Variants in ABCC4 observed in about 807,000 individuals in gnomAD.
ABCC4 encodes ATP binding cassette subfamily C member 4 (PEL blood group).
A neutral mutation model predicts 168.5 loss-of-function variants in ABCC4; 102 were observed. The ratio of observed to expected loss-of-function variants is 0.61; its 90% CI spans 0.52 to 0.71. The LOEUF (loss-of-function observed/expected upper bound fraction) is 0.71. Ranked by LOEUF, ABCC4 falls within the 30% of genes least tolerant of loss-of-function variation. ABCC4 has a pLI of 0.00. For missense variants in ABCC4, 1,402 were observed against 1,605.8 expected (o/e 0.87, Z 2.17); for synonymous variants, 617 against 590.7 (o/e 1.04, Z -0.65).
chr13:95,102,745 C>T (rs1256394855), intron 20 of ABCC4, among the ~76,000 whole-genome samples: 1 of 151,610 alleles, frequency 6.6e-6, no homozygotes, highest in African/African-American at 2.4e-5. Context: ...CTCAGCCCCC[C>T]AAGTAGCTGG....
rs754994360 is a variant in ABCC4, at chr13:95,166,384, G to T, written c.1825-17C>A. ...CATTTTACCCTAAAATAAAAATAAAGAATTTCAGAGAGATACATGTGCAGG... is the reference window on the plus strand; with the variant it reads ...CATTTTACCCTAAAATAAAAATAAATAATTTCAGAGAGATACATGTGCAGG... On this transcript the variant is annotated splice_polypyrimidine_tract_variant and intron_variant, in intron 14 of 30. Coordinates refer to ENST00000645237, the MANE Select transcript of ABCC4 (RefSeq NM_005845.5). The T allele has an allele frequency of 8.8e-6, 14 of 1,591,488 alleles. No homozygotes were observed. The highest frequency in any genetic ancestry group is 1.2e-5 in the Non-Finnish European group (14 of 1,163,170).
chr13:95,127,658 C>A (rs536578527), intron 19 of ABCC4, among the ~76,000 whole-genome samples: 127 of 152,300 alleles, frequency 8.3e-4, no homozygotes, highest in African/African-American at 2.9e-3. Flanking sequence ...TCTCCCCTTG[C>A]ATCTAGAGGC....
chr13:95,222,637 C>T (rs1267177277), intron 4 of ABCC4, among the ~76,000 whole-genome samples: 1 of 152,164 alleles, frequency 6.6e-6, no homozygotes, highest in Non-Finnish European at 1.5e-5. Flanking sequence ...AATAGAGATA[C>T]TGAAGGTCAA....
rs372970645 is a variant in ABCC4 at position 95,177,986 on chromosome 13, A to G, written c.1640+11T>C. On this transcript the variant is annotated intron_variant, in intron 12 of 30. Coordinates refer to ENST00000645237, the MANE Select transcript of ABCC4 (RefSeq NM_005845.5). ...AGACACCGGCATAGTGGCTGCTGAA[A>G]TGCAACTTACCTTGCAAGGTTTACC... is the stretch of plus-strand genomic sequence containing the variant. 5 of 1,613,924 alleles carry G rather than the reference A, an allele frequency of 3.1e-6. No homozygotes were observed. The highest frequency in any genetic ancestry group is 1.3e-5 in the African/African-American group (1 of 75,052).
intron 13 of ABCC4, among the ~76,000 whole-genome samples, chr13:95,176,902 C>T (rs908841292): frequency 5.9e-5 from 9 of 152,192 alleles, no homozygotes; most frequent in African/African-American, 9.7e-5. Flanking sequence ...AAGTGTCAGT[C>T]GGCACACATG....
At chr13:95,059,256 T>C (rs1170717180) in intron 26 of ABCC4, among the ~76,000 whole-genome samples, 1 of 152,210 alleles carries the variant, frequency 6.6e-6, no homozygotes, top group African/African-American at 2.4e-5. Context: ...TGGGTTAAGC[T>C]CTCTGTGCCT....
Position 95,071,842 on chromosome 13 carries a change from T to A in ABCC4, c.3030A>T (p.Val1010=), listed in dbSNP as rs371348018. 6.4e-7 allele frequency: 1 copy of A among 1,552,850 alleles called. No homozygotes were observed. The highest frequency in any genetic ancestry group is 2.1e-5 in the Admixed American group (1 of 48,712). ...GGTCTGTGTATTCAATGACCCTTTC[T>A]ACTGAGATCATCTGAAAGAAATATG... ...SAEVENMMIS[V]ERVIEYTDLE... Residue 1010 remains valine (V), a synonymous_variant, in exon 25 of 31, where the codon GTA becomes GTT. Coordinates refer to ENST00000645237, the MANE Select transcript of ABCC4 (RefSeq NM_005845.5).
intron 20 of ABCC4, among the ~76,000 whole-genome samples, chr13:95,109,671 A>C (rs569188255): frequency 2.6e-5 from 4 of 152,220 alleles, no homozygotes; most frequent in Admixed American, 1.3e-4. Context: ...AATTGAACTT[A>C]AAGTGAAAGA....
intron 19 of ABCC4, among the ~76,000 whole-genome samples, chr13:95,156,743 G>C (rs1056493099): frequency 1.3e-5 from 2 of 152,124 alleles, no homozygotes; most frequent in Non-Finnish European, 2.9e-5. Flanking sequence ...TACATCAAAA[G>C]AGGAAAGAAT....
intron 1 of ABCC4, among the ~76,000 whole-genome samples, chr13:95,284,868 G>A (rs575033143): frequency 6.6e-6 from 1 of 152,074 alleles, no homozygotes; most frequent in African/African-American, 2.4e-5. Context: ...TTTGTTATTA[G>A]TATTTAATAA....
chr13:95,166,460 A>C, intron 14 of ABCC4, 93 bp from the exon 15 acceptor site: 1 of 1,093,484 alleles, frequency 9.1e-7, no homozygotes, highest in South Asian at 1.6e-5. Context: ...AACTGATCTT[A>C]AGTTATGATT....
intron 27 of ABCC4, among the ~76,000 whole-genome samples, chr13:95,046,535 C>A (rs1190921942): frequency 6.6e-6 from 1 of 152,050 alleles, no homozygotes; most frequent in Non-Finnish European, 1.5e-5. Flanking sequence ...GAGGCTGGGG[C>A]AGGCAGATCA....
intron 17 of ABCC4, 54 bp from the exon 18 acceptor site, chr13:95,163,270 T>C (rs2037158202): frequency 1.1e-5 from 14 of 1,238,594 alleles, no homozygotes; most frequent in Admixed American, 2.2e-5. Context: ...TTTAGATAAA[T>C]ACATTTTTTT....
At chr13:95,209,285 G>A (rs2038881160) in intron 6 of ABCC4, 149 bp downstream of exon 6, 4 of 906,238 alleles carry the variant, frequency 4.4e-6, no homozygotes, top group Non-Finnish European at 6.5e-6. Context: ...CATAAGGACA[G>A]AGGCCCCCTT....
intron 2 of ABCC4, 116 bp downstream of exon 2, chr13:95,247,527 C>T (rs2040137209): frequency 1.4e-6 from 1 of 735,978 alleles, no homozygotes; most frequent in African/African-American, 1.8e-5. Context: ...GAAGGTGACA[C>T]ATATTCACCT....
intron 3 of ABCC4, among the ~76,000 whole-genome samples, chr13:95,244,338 A>G (rs1206867891): frequency 6.6e-6 from 1 of 151,806 alleles, no homozygotes; most frequent in Non-Finnish European, 1.5e-5. Context: ...ATTCCTGCCT[A>G]TAATCCCAGC....
At chr13:95,181,067 T>C (rs1003143075) in intron 11 of ABCC4, among the ~76,000 whole-genome samples, 2 of 152,224 alleles carry the variant, frequency 1.3e-5, no homozygotes, top group Non-Finnish European at 2.9e-5. Context: ...GTGCTCCCAA[T>C]GGGAGGAAGG....
chr13:95,081,586 T>C (rs546974545), intron 21 of ABCC4, among the ~76,000 whole-genome samples: 32 of 152,318 alleles, frequency 2.1e-4, no homozygotes, highest in Non-Finnish European at 4.0e-4. Flanking sequence ...CTGAAAACCT[T>C]ACAAGACTAG....
chr13:95,035,536 C>T (rs1446421303), intron 29 of ABCC4, among the ~76,000 whole-genome samples: 1 of 152,170 alleles, frequency 6.6e-6, no homozygotes, highest in Non-Finnish European at 1.5e-5. Flanking sequence ...ACGGGGCAGC[C>T]CAGTCTGCAT....
Sources: gnomAD v4.1 joint callset for allele counts (sites outside exome capture counted in the v4.1 genomes callset) on GRCh38, gnomAD v4.1.1 for gene constraint, MANE v1.5 for transcripts, NCBI Gene and HGNC (gene_info 2026-07-23, HGNC 2026-07-21) for gene names.